The following ARHGEF3 variants were observed in gnomAD, a reference collection of about 807,000 sequenced individuals.
ARHGEF3 encodes the protein 59.8 kDA protein.
Under a neutral mutation model 63.2 loss-of-function variants are expected in ARHGEF3, and 28 were observed. That is an observed-to-expected ratio of 0.44 (90% CI 0.33 to 0.61). The LOEUF (loss-of-function observed/expected upper bound fraction) is 0.61. ARHGEF3 is among the 20% of genes least tolerant of loss of function. The pLI is 0.03. For synonymous variants in ARHGEF3, 266 were observed against 254.2 expected, an observed-to-expected ratio of 1.05 and a Z score of -0.44; for missense variants, 533 against 659.3, an observed-to-expected ratio of 0.81 and a Z score of 2.10.
At chr3:56,923,025 A>AATATATATATATATAT (rs72294634) in intron 3 of ARHGEF3, among the ~76,000 whole-genome samples, 16 of 91,270 alleles carry the variant, frequency 1.8e-4, no homozygotes, top group African/African-American at 2.9e-4. Flanking sequence ...ATCTCTACTA[A>AATATATATATATATAT]ATATATATAT....
intron 4 of ARHGEF3, among the ~76,000 whole-genome samples, chr3:56,830,684 C>T (rs1217308734): frequency 6.6e-6 from 1 of 152,190 alleles, no homozygotes; most frequent in Non-Finnish European, 1.5e-5. Context: ...CTCTCAGCCC[C>T]CCTTTCCTGC....
chr3:56,830,686 C>T (rs928193376), intron 4 of ARHGEF3, among the ~76,000 whole-genome samples: 1 of 152,192 alleles, frequency 6.6e-6, no homozygotes, highest in Non-Finnish European at 1.5e-5. Context: ...CTCAGCCCCC[C>T]TTTCCTGCTT....
At chr3:57,035,028 A>T (rs1160418690) in intron 2 of ARHGEF3, 1 of 1,367,264 alleles carries the variant, frequency 7.3e-7, no homozygotes, top group Non-Finnish European at 9.9e-7. Flanking sequence ...CATTTCATTT[A>T]ATTGTTGCAT....
In ARHGEF3 at chr3:56,835,970, G is replaced by C. The variant is rs532327552; in HGVS notation, c.192+46322C>G. ...TGTTTCCTCAGTTTCCCAAAAGGGA[G>C]AAAAATCATGTCTCTTAGAAAAACT... On this transcript the variant is annotated intron_variant, in intron 4 of 12. Coordinates refer to the ARHGEF3 transcript ENST00000338458. 1.9e-4 allele frequency among the ~76,000 whole-genome samples: 29 copies of C among 152,320 alleles called. 1 individual carries two copies. Among genetic ancestry groups the C allele is most frequent in the Middle Eastern group, 6.8e-3 (2 of 294 alleles).
At chr3:56,921,223 CAA>C (rs112317288) in intron 3 of ARHGEF3, among the ~76,000 whole-genome samples, 1 of 142,112 alleles carries the variant, frequency 7.0e-6, no homozygotes, top group Middle Eastern at 3.3e-3. Flanking sequence ...AAAAAAAGAC[CAA>C]AAAAAAAAAG....
At chr3:56,741,587 TC>T (rs1229855494) in intron 7 of ARHGEF3, among the ~76,000 whole-genome samples, 3 of 133,056 alleles carry the variant, frequency 2.3e-5, no homozygotes, top group Admixed American at 9.1e-5. Flanking sequence ...CACTGCAAGC[TC>T]CGCCTCCCAG....
chr3:56,745,933 A>G (rs1010561803), intron 6 of ARHGEF3, among the ~76,000 whole-genome samples: 20 of 152,204 alleles, frequency 1.3e-4, no homozygotes, highest in Non-Finnish European at 2.6e-4. Context: ...GGCCTCCCAA[A>G]GTGCTGAGAT....
intron 2 of ARHGEF3, among the ~76,000 whole-genome samples, chr3:57,007,877 T>C (rs1315433195): frequency 6.6e-6 from 1 of 152,256 alleles, no homozygotes. Flanking sequence ...CATTCATTTC[T>C]GAGCCCCTAG....
chr3:57,020,734 T>C (rs1703222310), intron 2 of ARHGEF3, among the ~76,000 whole-genome samples: 1 of 152,212 alleles, frequency 6.6e-6, no homozygotes, highest in Non-Finnish European at 1.5e-5. Flanking sequence ...TAATCGACAC[T>C]GAGCCCCTGG....
chr3:56,749,414 TGA>T (rs2034592195), intron 6 of ARHGEF3, among the ~76,000 whole-genome samples: 1 of 152,262 alleles, frequency 6.6e-6, no homozygotes, highest in Non-Finnish European at 1.5e-5. Context: ...AATTTGCATA[TGA>T]TGCTTAAGGA....
At chr3:57,068,272 T>A (rs1426336453) in intron 1 of ARHGEF3, among the ~76,000 whole-genome samples, 1 of 152,084 alleles carries the variant, frequency 6.6e-6, no homozygotes. Flanking sequence ...CACCACACAA[T>A]AAATGCTTAA....
chr3:57,025,963 C>G (rs1324661289), intron 2 of ARHGEF3, among the ~76,000 whole-genome samples: 1 of 152,174 alleles, frequency 6.6e-6, no homozygotes, highest in Non-Finnish European at 1.5e-5. Flanking sequence ...AACTCAAGTT[C>G]CCATGCTCTT....
intron 3 of ARHGEF3, among the ~76,000 whole-genome samples, chr3:56,909,741 C>A (rs1394404136): frequency 3.3e-5 from 5 of 152,186 alleles, no homozygotes; most frequent in Middle Eastern, 3.2e-3. Flanking sequence ...ACGTTTAACA[C>A]CCTCCACTCC....
chr3:56,930,045 GC>G (rs35270414), intron 3 of ARHGEF3, among the ~76,000 whole-genome samples: 40,003 of 151,578 alleles, frequency 0.26, 6,262 homozygotes, highest in East Asian at 0.39. Flanking sequence ...TCAACTACCA[GC>G]CCCCCCCTCC....
chr3:56,733,362 G>GCTA (rs2033355444), intron 8 of ARHGEF3, among the ~76,000 whole-genome samples: 1 of 96,816 alleles, frequency 1.0e-5, no homozygotes, highest in Non-Finnish European at 1.9e-5. Flanking sequence ...TGTAATCCCA[G>GCTA]CTACTCAGGA....
chr3:56,953,736 G>A (rs189775218), intron 3 of ARHGEF3, among the ~76,000 whole-genome samples: 2 of 152,318 alleles, frequency 1.3e-5, no homozygotes, highest in Admixed American at 6.5e-5. Flanking sequence ...GATCCTGGAA[G>A]CAAATCTCTC....
chr3:56,828,950 G>A (rs146748661), intron 4 of ARHGEF3, among the ~76,000 whole-genome samples: 1,639 of 151,956 alleles, frequency 0.011, 12 homozygotes, highest in Non-Finnish European at 0.013. Flanking sequence ...TTTTTGAGAC[G>A]GAGTCTCACT....
intron 4 of ARHGEF3, among the ~76,000 whole-genome samples, chr3:56,811,566 A>C (rs1028971362): frequency 5.9e-5 from 9 of 152,214 alleles, no homozygotes; most frequent in African/African-American, 2.2e-4. Context: ...GACACGCTTC[A>C]CAAAGGGGCT....
chr3:56,796,159 T>C (rs1304533104), intron 1 of ARHGEF3, among the ~76,000 whole-genome samples: 1 of 152,174 alleles, frequency 6.6e-6, no homozygotes, highest in Non-Finnish European at 1.5e-5. Context: ...AAGTAGCCCT[T>C]CCAGATACAC....
Sources: allele counts gnomAD v4.1 joint callset (sites outside exome capture counted in the v4.1 genomes callset), GRCh38; gene constraint gnomAD v4.1.1; transcripts MANE v1.5; gene names NCBI Gene and HGNC (gene_info 2026-07-23, HGNC 2026-07-21).